Variants in CDKAL1 observed in about 807,000 individuals in gnomAD.
CDKAL1 encodes the protein threonylcarbamoyladenosine tRNA methylthiotransferase.
In CDKAL1, 32 loss-of-function variants were observed where a neutral mutation model predicts 68.2. The ratio of observed to expected loss-of-function variants is 0.47; its 90% CI spans 0.35 to 0.63. The LOEUF is 0.63. Among genes scored for constraint, CDKAL1 ranks in the 30% least tolerant of loss-of-function variants. CDKAL1 has a pLI of 0.00. For synonymous variants in CDKAL1, 234 were observed against 244.3 expected (o/e 0.96, Z 0.39); for missense variants, 606 against 696.7 (o/e 0.87, Z 1.47).
intron 6 of CDKAL1, among the ~76,000 whole-genome samples, chr6:20,755,807 G>A (rs927179805): frequency 2.6e-5 from 4 of 152,142 alleles, no homozygotes; most frequent in African/African-American, 9.7e-5. Flanking sequence ...ATTTCAACTG[G>A]TGTCCCAATA....
chr6:20,565,479 A>G (rs1019238758), intron 4 of CDKAL1, among the ~76,000 whole-genome samples: 1 of 152,134 alleles, frequency 6.6e-6, no homozygotes, highest in Non-Finnish European at 1.5e-5. Context: ...CTAAATGTAT[A>G]TAGCTTGGGG....
intron 13 of CDKAL1, among the ~76,000 whole-genome samples, chr6:21,127,873 T>C (rs1270730969): frequency 2.0e-5 from 3 of 152,218 alleles, no homozygotes; most frequent in African/African-American, 7.2e-5. Context: ...AATGGTACAG[T>C]AGAGTCTGAA....
chr6:21,178,456 G>C (rs1040923301), intron 13 of CDKAL1, among the ~76,000 whole-genome samples: 1 of 152,122 alleles, frequency 6.6e-6, no homozygotes, highest in Admixed American at 6.5e-5. Context: ...AACTCAAATA[G>C]TGAAGAGGAA....
intron 9 of CDKAL1, among the ~76,000 whole-genome samples, chr6:20,943,363 A>C (rs1044153240): frequency 2.0e-5 from 3 of 151,090 alleles, no homozygotes; most frequent in Non-Finnish European, 4.4e-5. Flanking sequence ...AAAAAAGAAA[A>C]AAAAAGTAAT....
rs184117792 is a variant in CDKAL1, at chr6:20,806,970, T to G, written c.638+25705T>G. On this transcript the variant is annotated intron_variant, in intron 8 of 15. Coordinates refer to ENST00000274695, the MANE Select transcript of CDKAL1 (RefSeq NM_017774.3). ...GTGAAAATGTAGAGTGTTTAAAGCA[T>G]ATGTTCATTGTATTATTCGTCACTA... Among the ~76,000 whole-genome samples the G allele has an allele frequency of 1.7e-3, 260 of 152,350 alleles. 1 individual carries two copies. The highest frequency in any genetic ancestry group is 5.8e-3 in the African/African-American group (240 of 41,582).
intron 5 of CDKAL1, among the ~76,000 whole-genome samples, chr6:20,724,624 G>A (rs983156424): frequency 2.2e-4 from 34 of 151,948 alleles, no homozygotes; most frequent in Non-Finnish European, 4.3e-4. Context: ...GGCTGAGCCT[G>A]GGGGGCGGAG....
intron 13 of CDKAL1, among the ~76,000 whole-genome samples, chr6:21,137,229 A>ATAATT (rs1225608240): frequency 6.6e-6 from 1 of 152,228 alleles, no homozygotes; most frequent in Admixed American, 6.5e-5. Context: ...TCCTTATTTT[A>ATAATT]TAATTTACCT....
chr6:20,889,197 T>C (rs1362389358), intron 9 of CDKAL1, among the ~76,000 whole-genome samples: 1 of 152,024 alleles, frequency 6.6e-6, no homozygotes, highest in Non-Finnish European at 1.5e-5. Context: ...TCATATCCTT[T>C]GCCCACTTTT....
intron 15 of CDKAL1, among the ~76,000 whole-genome samples, chr6:21,213,617 AG>A (rs1437040578): frequency 6.6e-6 from 1 of 152,206 alleles, no homozygotes; most frequent in African/African-American, 2.4e-5. Flanking sequence ...ACAATCACAA[AG>A]CATCTATGGT....
intron 9 of CDKAL1, among the ~76,000 whole-genome samples, chr6:20,938,009 A>AT (rs1188157351): frequency 6.6e-6 from 1 of 151,906 alleles, no homozygotes; most frequent in African/African-American, 2.4e-5. Context: ...CCAGATGTTG[A>AT]TTTTCCTATC....
chr6:20,680,006 C>T (rs942224697), intron 5 of CDKAL1, among the ~76,000 whole-genome samples: 2 of 146,438 alleles, frequency 1.4e-5, no homozygotes, highest in South Asian at 4.2e-4. Context: ...GTTTTATCAA[C>T]GTTATTTTTT....
intron 15 of CDKAL1, among the ~76,000 whole-genome samples, chr6:21,215,165 A>G (rs1582433097): frequency 6.6e-6 from 1 of 152,132 alleles, no homozygotes; most frequent in Non-Finnish European, 1.5e-5. Flanking sequence ...CATTTGGTGG[A>G]TCTAGATGGC....
chr6:21,169,854 A>C (rs1020294521), intron 13 of CDKAL1, among the ~76,000 whole-genome samples: 1 of 151,130 alleles, frequency 6.6e-6, no homozygotes, highest in East Asian at 1.9e-4. Context: ...TTGCAGAAGA[A>C]CTCCCTTTTG....
chr6:20,871,543 A>G (rs1242775218), intron 9 of CDKAL1, among the ~76,000 whole-genome samples: 16 of 152,036 alleles, frequency 1.1e-4, no homozygotes, highest in Admixed American at 1.0e-3. Context: ...TTCAGTCTCA[A>G]ATAGCTTTCT....
At chr6:20,672,290 C>G (rs1769876312) in intron 5 of CDKAL1, among the ~76,000 whole-genome samples, 1 of 141,694 alleles carries the variant, frequency 7.1e-6, no homozygotes, top group South Asian at 2.2e-4. Context: ...TTCTCTCTCT[C>G]TCTCTCTCCC....
chr6:20,717,550 G>C (rs1160605263), intron 5 of CDKAL1, among the ~76,000 whole-genome samples: 2 of 152,042 alleles, frequency 1.3e-5, no homozygotes, highest in Non-Finnish European at 2.9e-5. Context: ...CCTTCTTCTT[G>C]TTTCTGTTTT....
chr6:20,902,754 T>G (rs7740094), intron 9 of CDKAL1, among the ~76,000 whole-genome samples: 38,440 of 151,988 alleles, frequency 0.25, 5,213 homozygotes, highest in African/African-American at 0.34. Context: ...AAGGGAGAGA[T>G]AGAAAAGCGG....
intron 15 of CDKAL1, among the ~76,000 whole-genome samples, chr6:21,217,243 A>G (rs979232715): frequency 6.7e-6 from 1 of 148,978 alleles, no homozygotes; most frequent in African/African-American, 2.4e-5. Flanking sequence ...TCTTTTGCCC[A>G]TTTTCTTCTA....
intron 11 of CDKAL1, among the ~76,000 whole-genome samples, chr6:21,051,264 C>T (rs931753804): frequency 6.6e-6 from 1 of 152,162 alleles, no homozygotes; most frequent in African/African-American, 2.4e-5. Context: ...GTCCCAGCTA[C>T]TTGGGAGGCT....
Sources: allele counts gnomAD v4.1 joint callset (sites outside exome capture counted in the v4.1 genomes callset), GRCh38; gene constraint gnomAD v4.1.1; transcripts MANE v1.5; gene names NCBI Gene and HGNC (gene_info 2026-07-23, HGNC 2026-07-21).